The following AIFM3 variants were observed in gnomAD, a reference collection of about 807,000 sequenced individuals.
AIFM3 encodes apoptosis-inducing factor 3.
AIFM3 carries 71 observed loss-of-function variants against 82.7 expected under a neutral mutation model. The observed-to-expected ratio is 0.86, with a 90% confidence interval of 0.71 to 1.05. AIFM3 has a LOEUF of 1.05. Among genes scored for constraint, AIFM3 ranks in the 50% least tolerant of loss-of-function variants. The pLI is 0.00. For synonymous variants in AIFM3, 337 were observed against 329.1 expected, an observed-to-expected ratio of 1.02 and a Z score of -0.26; for missense variants, 748 against 816.7, an observed-to-expected ratio of 0.92 and a Z score of 1.03.
In AIFM3 at chr22:20,974,780, C is replaced by T. The variant is rs1180014093; in HGVS notation, c.684C>T (p.Asp228=). ...ACCGGATCGTCCTGTGCACGCTAGA[C>T]CGGCACCTTCCCTACGACCGTCCCA... The part of the protein sequence containing the change: ...FSDRIVLCTL[D]RHLPYDRPKL... The change falls in exon 8 of 21, where the codon GAC becomes GAT. Residue 228 remains aspartate (D), a synonymous_variant. Transcript: ENST00000440238. 3 of 1,613,128 alleles carry T rather than the reference C, an allele frequency of 1.9e-6. No homozygotes were observed. The highest frequency in any genetic ancestry group is 2.2e-5 in the East Asian group (1 of 44,908).
At position 20,977,883 on chromosome 22, in the gene AIFM3, T is replaced by C; in HGVS notation, c.1360-5T>C. 6.2e-7 allele frequency: 1 copy of C among 1,614,166 alleles called. No homozygotes were observed. Among genetic ancestry groups the C allele is most frequent in the South Asian group, 1.1e-5 (1 of 91,090 alleles). ...CCCATGGAGCTCTGGGCCCTCTCTC[T>C]ACAGATGATGCAGACCAATGTCCCA... is the stretch of plus-strand genomic sequence containing the variant. On this transcript the variant is annotated splice_polypyrimidine_tract_variant and splice_region_variant and intron_variant, in intron 15 of 20. Coordinates refer to ENST00000440238, the MANE Select transcript of AIFM3 (RefSeq NM_001386814.1).
chr22:20,979,132 T>A (rs1923891667), intron 16 of AIFM3, 139 bp from the exon 17 acceptor site: 1 of 854,962 alleles, frequency 1.2e-6, no homozygotes, highest in Non-Finnish European at 1.9e-6. Flanking sequence ...AGCAGTGGGC[T>A]GAACAATGAT....
chr22:20,967,514 A>G (rs942470002), intron 1 of AIFM3, among the ~76,000 whole-genome samples: 1 of 152,082 alleles, frequency 6.6e-6, no homozygotes, highest in African/African-American at 2.4e-5. Context: ...GGGGGGCACG[A>G]GGAGGCAGTA....
intron 15 of AIFM3, 41 bp from the exon 16 acceptor site, chr22:20,977,847 C>T (rs746142120): frequency 2.5e-6 from 4 of 1,613,716 alleles, no homozygotes; most frequent in Admixed American, 1.7e-5. Context: ...CAGGTCAGGG[C>T]CCCTGTCACA....
At chr22:20,972,507 C>G (rs1020781559) in intron 2 of AIFM3, among the ~76,000 whole-genome samples, 1 of 151,724 alleles carries the variant, frequency 6.6e-6, no homozygotes, top group Non-Finnish European at 1.5e-5. Context: ...AGTTGTAAGA[C>G]TAGAACAATG....
chr22:20,965,269 T>C (rs1922801346), upstream of AIFM3: 1 of 148,664 alleles, frequency 6.7e-6, no homozygotes, highest in Non-Finnish European at 1.5e-5. Flanking sequence ...CCGCCCCGCC[T>C]CTTCGCCCCG....
In AIFM3 at chr22:20,975,742, C is replaced by G. The variant is rs770458193; in HGVS notation, c.771C>G (p.Phe257Leu). 2 of 1,613,644 alleles carry G rather than the reference C, an allele frequency of 1.2e-6. No individual in the cohort carries two copies. The highest frequency in any genetic ancestry group is 1.7e-6 in the Non-Finnish European group (2 of 1,180,010). The change falls in exon 9 of 21, where the codon TTC becomes TTG. Residue 257 changes from phenylalanine to leucine, a missense_variant. Physicochemically the swap from Phe to Leu is conservative, Grantham distance 22. This residue lies in a region of AIFM3 where 393 missense variants were observed against 481.1 expected (regional missense o/e 0.82). Transcript: ENST00000440238. ...EQLALRPKEF[F>L]RAYGIEVLTE... ...TGGCCCTGAGGCCCAAGGAGTTTTT[C>G]CGAGCCTATGGCATCGAGGTGCTCA... is the stretch of plus-strand genomic sequence containing the variant.
chr22:20,968,148 C>A (rs1923039742), intron 2 of AIFM3, among the ~76,000 whole-genome samples, 173 bp downstream of exon 2: 1 of 152,188 alleles, frequency 6.6e-6, no homozygotes, highest in Non-Finnish European at 1.5e-5. Flanking sequence ...GGGCCTGGAG[C>A]AGTTCCCCCA....
intron 2 of AIFM3, among the ~76,000 whole-genome samples, chr22:20,971,591 T>C (rs1306574131): frequency 6.6e-6 from 1 of 152,204 alleles, no homozygotes; most frequent in Non-Finnish European, 1.5e-5. Context: ...GAGGTGCATC[T>C]CGGCAGCCTC....
rs1457335169 is a variant in AIFM3 at position 20,975,732 on chromosome 22, A to G, written c.761A>G (p.Lys254Arg). The G allele has an allele frequency of 6.2e-7, 1 of 1,613,630 alleles. No individual in the cohort carries two copies. The highest frequency in any genetic ancestry group is 2.2e-5 in the East Asian group (1 of 44,894). Residue 254 changes from lysine (K) to arginine (R), a missense_variant, in exon 9 of 21, where the codon AAG (lysine) becomes AGG (arginine). Around this residue, in one of 5 missense-constraint regions of AIFM3, gnomAD observed 393 missense variants for 481.1 expected, o/e 0.82. Coordinates refer to ENST00000440238, the MANE Select transcript of AIFM3 (RefSeq NM_001386814.1). ...CCTGAGCAGCTGGCCCTGAGGCCCA[A>G]GGAGTTTTTCCGAGCCTATGGCATC... is the stretch of plus-strand genomic sequence containing the variant. ...TQPEQLALRP[K>R]EFFRAYGIEV...
intron 3 of AIFM3, 32 bp from the exon 4 acceptor site, chr22:20,973,726 T>A (rs2147941175): frequency 6.6e-7 from 1 of 1,508,330 alleles, no homozygotes; most frequent in Non-Finnish European, 8.9e-7. Flanking sequence ...GCCTGGTGTC[T>A]GGCCTGACCT....
intron 17 of AIFM3, 107 bp downstream of exon 17, chr22:20,979,476 A>T: frequency 6.8e-7 from 1 of 1,471,718 alleles, no homozygotes; most frequent in Non-Finnish European, 9.4e-7. Context: ...CCGCACTAGG[A>T]AGAGGCCGGT....
At chr22:20,977,834 G>C in intron 15 of AIFM3, 54 bp from the exon 16 acceptor site, 1 of 1,613,946 alleles carries the variant, frequency 6.2e-7, no homozygotes, top group Non-Finnish European at 8.5e-7. Flanking sequence ...GTGGCAGGAG[G>C]TTCAGGTCAG....
At chr22:20,979,439 G>T in intron 17 of AIFM3, 70 bp downstream of exon 17, 1 of 1,477,440 alleles carries the variant, frequency 6.8e-7, no homozygotes. Flanking sequence ...GTGGGGCGGG[G>T]CTGGGAGCCT....
Position 20,975,686 on chromosome 22 carries a change from CTGCAG to C in AIFM3, c.721-4_721del, listed in dbSNP as rs1923595245. On this transcript the variant is annotated splice_acceptor_variant and splice_polypyrimidine_tract_variant and intron_variant, in intron 8 of 20. Coordinates refer to ENST00000440238, the MANE Select transcript of AIFM3 (RefSeq NM_001386814.1). LOFTEE classifies it high-confidence loss of function. ...TGGCTCCTCTCAAGCTGGCTCTCCC[CTGCAG>C]TCCCTGGACACACAGCCTGAGCAGC... The C allele has an allele frequency of 6.2e-7, 1 of 1,613,630 alleles. No individual in the cohort carries two copies. The highest frequency in any genetic ancestry group is 8.5e-7 in the Non-Finnish European group (1 of 1,179,972).
At chr22:20,967,657 AG>A in intron 1 of AIFM3, 147 bp from the exon 2 acceptor site, 1 of 504,980 alleles carries the variant, frequency 2.0e-6, no homozygotes. Flanking sequence ...GGTGACCTCC[AG>A]GGCCCCACGC....
chr22:20,966,649 G>A (rs1351184678), upstream of AIFM3: 1 of 152,292 alleles, frequency 6.6e-6, no homozygotes, highest in African/African-American at 2.4e-5. Context: ...TGCAAACAAG[G>A]CAGCTTATGC....
chr22:20,980,422 A>C (rs1924020426), intron 19 of AIFM3: 3 of 595,448 alleles, frequency 5.0e-6, no homozygotes, highest in Non-Finnish European at 9.0e-6. Flanking sequence ...GGGACACCTA[A>C]CTGGACATAG....
chr22:20,970,543 C>T (rs1923204842), intron 2 of AIFM3, among the ~76,000 whole-genome samples: 1 of 152,202 alleles, frequency 6.6e-6, no homozygotes, highest in South Asian at 2.1e-4. Flanking sequence ...TCACTGCAAC[C>T]TCCGCCTCCC....
Sources: allele counts gnomAD v4.1 joint callset (sites outside exome capture counted in the v4.1 genomes callset), GRCh38; gene constraint gnomAD v4.1.1; regional missense constraint gnomAD v4.1.1; transcripts MANE v1.5; gene names NCBI Gene and HGNC (gene_info 2026-07-23, HGNC 2026-07-21).